The following TXLNB variants were observed in gnomAD, a reference collection of about 807,000 sequenced individuals.
The protein encoded by TXLNB is taxilin beta.
Under a neutral mutation model 57.4 loss-of-function variants are expected in TXLNB, and 37 were observed. The ratio of observed to expected loss-of-function variants is 0.64; its 90% CI spans 0.50 to 0.85. The LOEUF is 0.85. TXLNB is among the 40% of genes least tolerant of loss of function. The pLI is 0.00. For synonymous variants in TXLNB, 302 were observed against 309.6 expected, an observed-to-expected ratio of 0.98 and a Z score of 0.26; for missense variants, 848 against 825.6, an observed-to-expected ratio of 1.03 and a Z score of -0.33.
At chr6:139,162,976 T>C in the TXLNB span, among the ~76,000 whole-genome samples, 3 of 152,204 alleles carry the variant, frequency 2.0e-5, no homozygotes, top group Non-Finnish European at 4.4e-5. Flanking sequence ...TGGAAAGAGT[T>C]TCCTGGAGTC....
chr6:139,226,466 T>C, the TXLNB span, among the ~76,000 whole-genome samples: 1 of 152,008 alleles, frequency 6.6e-6, no homozygotes, highest in African/African-American at 2.4e-5. Flanking sequence ...ACTATTAAAA[T>C]TGATAAATTC....
chr6:139,196,411 G>T, the TXLNB span, among the ~76,000 whole-genome samples: 1 of 93,196 alleles, frequency 1.1e-5, no homozygotes, highest in African/African-American at 4.4e-5. Flanking sequence ...TTTCGCTCTT[G>T]TTGCCCAGGC....
In TXLNB at chr6:139,255,608, G is replaced by T. The variant is rs866013283; in HGVS notation, c.1033C>A (p.Gln345Lys). The T allele has an allele frequency of 6.2e-7, 1 of 1,613,882 alleles. No homozygotes were observed. The highest frequency in any genetic ancestry group is 1.3e-5 in the African/African-American group (1 of 74,996). Residue 345 changes from glutamine (Q) to lysine (K), a missense_variant, in exon 7 of 10, where the codon CAG becomes AAG. Gln to Lys is a moderately conservative substitution (Grantham distance 53, BLOSUM62 1). Transcript: ENST00000358430. Reference sequence around the variant, plus strand: ...TCTTGCTCCTTCAGCACTTTCGCCTGAAGTTTCCACTCTGCTGCCTGGTTC... The same window carrying T: ...TCTTGCTCCTTCAGCACTTTCGCCTTAAGTTTCCACTCTGCTGCCTGGTTC... ...LLNQAAEWKLQAKVLKEQETV... is the reference protein window; with the variant it reads ...LLNQAAEWKLKAKVLKEQETV...
the TXLNB span, among the ~76,000 whole-genome samples, chr6:139,162,881 G>A: frequency 6.6e-6 from 1 of 152,134 alleles, no homozygotes; most frequent in Non-Finnish European, 1.5e-5. Flanking sequence ...TGTATTCCCT[G>A]AGCTCATGAA....
intron 5 of TXLNB, 71 bp from the exon 6 acceptor site, chr6:139,260,508 T>G (rs1269391097): frequency 4.6e-6 from 7 of 1,508,924 alleles, no homozygotes; most frequent in Non-Finnish European, 6.4e-6. Context: ...GTAAAATAAT[T>G]CACATTAATA....
the TXLNB span, among the ~76,000 whole-genome samples, chr6:139,219,304 T>C: frequency 1.3e-5 from 2 of 152,220 alleles, no homozygotes; most frequent in African/African-American, 4.8e-5. Flanking sequence ...TTGCTGGGTA[T>C]ACAGTCCTGC....
chr6:139,203,512 C>T, the TXLNB span: 1 of 152,224 alleles, frequency 6.6e-6, no homozygotes, highest in South Asian at 2.1e-4. Flanking sequence ...CTCCCTTTTT[C>T]TTGAAACACT....
chr6:139,167,437 G>C, the TXLNB span: 4 of 887,348 alleles, frequency 4.5e-6, no homozygotes, highest in Non-Finnish European at 5.1e-6. Context: ...TTTTGTTCTA[G>C]TCAGGTGCTA....
chr6:139,230,357 T>G, the TXLNB span, among the ~76,000 whole-genome samples: 1 of 152,236 alleles, frequency 6.6e-6, no homozygotes, highest in Non-Finnish European at 1.5e-5. Context: ...TCTGACTCAC[T>G]GATTAAAACA....
the TXLNB span, among the ~76,000 whole-genome samples, chr6:139,181,125 A>AC: frequency 6.6e-6 from 1 of 152,036 alleles, no homozygotes; most frequent in East Asian, 1.9e-4. Flanking sequence ...GATTAGATAG[A>AC]CCCCCAAGGT....
At chr6:139,215,398 G>T in the TXLNB span, among the ~76,000 whole-genome samples, 2 of 152,128 alleles carry the variant, frequency 1.3e-5, no homozygotes, top group African/African-American at 4.8e-5. Flanking sequence ...TTTAATAAAT[G>T]GTGCTTGGAA....
chr6:139,265,426 ATGTGTGTGTGTGTGTGTGTC>A (rs894783263), intron 4 of TXLNB, among the ~76,000 whole-genome samples: 5 of 150,064 alleles, frequency 3.3e-5, no homozygotes, highest in African/African-American at 9.8e-5. Flanking sequence ...GTGAGGTTGT[ATGTGTGTGTGTGTGTGTGTC>A]TGTGTGTGTG....
the TXLNB span, among the ~76,000 whole-genome samples, chr6:139,168,688 A>G: frequency 3.3e-3 from 507 of 151,808 alleles, 2 homozygotes; most frequent in Non-Finnish European, 5.5e-3. Context: ...AGATCTCAAT[A>G]TTTTATTTTT....
chr6:139,320,210 T>C, the TXLNB span, among the ~76,000 whole-genome samples: 1 of 152,222 alleles, frequency 6.6e-6, no homozygotes, highest in South Asian at 2.1e-4. Flanking sequence ...TAAGCCTATA[T>C]GTTTTCTAAA....
chr6:139,166,170 G>A, the TXLNB span: 1 of 826,828 alleles, frequency 1.2e-6, no homozygotes, highest in Non-Finnish European at 1.9e-6. Flanking sequence ...CCCTGGAACT[G>A]CCTTTCATTA....
chr6:139,164,175 CCTTA>C, the TXLNB span, among the ~76,000 whole-genome samples: 1 of 152,120 alleles, frequency 6.6e-6, no homozygotes, highest in African/African-American at 2.4e-5. Context: ...CCTCTGGCCT[CCTTA>C]CTTCCAGTCC....
At chr6:139,217,822 T>G in the TXLNB span, among the ~76,000 whole-genome samples, 1 of 131,480 alleles carries the variant, frequency 7.6e-6, no homozygotes, top group African/African-American at 3.0e-5. Flanking sequence ...TAAGCCAAGA[T>G]GATGCCACTG....
chr6:139,314,322 G>A, the TXLNB span, among the ~76,000 whole-genome samples: 1 of 152,124 alleles, frequency 6.6e-6, no homozygotes, highest in Non-Finnish European at 1.5e-5. Flanking sequence ...CAAGAACCTT[G>A]GCTTCCACAA....
the TXLNB span, among the ~76,000 whole-genome samples, chr6:139,219,074 C>G: frequency 6.6e-6 from 1 of 152,178 alleles, no homozygotes; most frequent in South Asian, 2.1e-4. Context: ...AGGGTAAGTA[C>G]TCACTAATTG....
Sources: allele counts gnomAD v4.1 joint callset (sites outside exome capture counted in the v4.1 genomes callset), GRCh38; gene constraint gnomAD v4.1.1; transcripts MANE v1.5; gene names NCBI Gene and HGNC (gene_info 2026-07-23, HGNC 2026-07-21).